Variants in SLC25A26 observed in about 807,000 individuals in gnomAD.
SLC25A26 encodes the protein mitochondrial S-adenosylmethionine carrier protein.
In SLC25A26, 36 loss-of-function variants were observed where a neutral mutation model predicts 37.8. That is an observed-to-expected ratio of 0.95 (90% confidence interval 0.73 to 1.26). The LOEUF is 1.26. Among genes scored for constraint, SLC25A26 ranks in the 50% most tolerant of loss-of-function variants. SLC25A26 has a pLI of 0.00. For synonymous variants in SLC25A26, 129 were observed against 122.5 expected, an observed-to-expected ratio of 1.05 and a Z score of -0.35; for missense variants, 390 against 331.1, an observed-to-expected ratio of 1.18 and a Z score of -1.38.
intron 5 of SLC25A26, among the ~76,000 whole-genome samples, chr3:66,336,613 T>C (rs1444302937): frequency 2.0e-5 from 3 of 152,202 alleles, no homozygotes; most frequent in Non-Finnish European, 4.4e-5. Context: ...CTGGCTATTT[T>C]CTTAAAGGAC....
intron 5 of SLC25A26, among the ~76,000 whole-genome samples, chr3:66,311,939 G>C (rs527879632): frequency 1.3e-5 from 2 of 152,136 alleles, no homozygotes; most frequent in Non-Finnish European, 2.9e-5. Context: ...ACCCTCCTGG[G>C]AGGTGTCTCC....
chr3:66,246,339 G>C (rs2072839246), intron 3 of SLC25A26, among the ~76,000 whole-genome samples: 1 of 152,142 alleles, frequency 6.6e-6, no homozygotes, highest in South Asian at 2.1e-4. Flanking sequence ...TTGAAGGGCA[G>C]GCTTTCCTCA....
At chr3:66,219,379 G>A (rs1246826599), upstream of SLC25A26, among the ~76,000 whole-genome samples, 2 of 152,142 alleles carry the variant, frequency 1.3e-5, no homozygotes, top group Non-Finnish European at 2.9e-5. Flanking sequence ...ATGGCAAAAG[G>A]AATTTTTCAG....
chr3:66,153,504 C>G (rs74620808), intron 1 of SLC25A26, among the ~76,000 whole-genome samples: 6,098 of 152,320 alleles, frequency 0.04, 224 homozygotes, highest in Non-Finnish European at 0.058. Flanking sequence ...GTCCAGTCAT[C>G]TAGATGTTTA....
At position 66,221,139 on chromosome 3, in the gene SLC25A26, G is replaced by A; in HGVS notation, c.33+12G>A. ...TGGCAGCGCTGGTGGTGAGTGCGGG[G>A]CGGTGGGGTGGGTTGCTCAGAGTGC... On this transcript the variant is annotated intron_variant, in intron 1 of 9. Transcript: ENST00000354883. 6.6e-7 allele frequency: 1 copy of A among 1,517,714 alleles called. No homozygotes were observed. Among genetic ancestry groups the A allele is most frequent in the Non-Finnish European group, 8.8e-7 (1 of 1,139,300 alleles). 94.0% of individuals were successfully genotyped at this position (1,517,714 alleles called of 1,614,324 possible).
intron 6 of SLC25A26, among the ~76,000 whole-genome samples, chr3:66,352,601 A>G (rs963678362): frequency 2.0e-5 from 3 of 151,754 alleles, no homozygotes; most frequent in African/African-American, 7.3e-5. Context: ...TAATATCTGT[A>G]TATTTAAGGT....
chr3:66,230,605 A>G (rs1279187343), intron 1 of SLC25A26, among the ~76,000 whole-genome samples: 1 of 151,402 alleles, frequency 6.6e-6, no homozygotes, highest in Non-Finnish European at 1.5e-5. Context: ...GGAGTTCAAG[A>G]CCAGCCTGAT....
intron 1 of SLC25A26, among the ~76,000 whole-genome samples, chr3:66,194,444 C>G (rs1285795876): frequency 1.3e-5 from 2 of 152,164 alleles, no homozygotes; most frequent in African/African-American, 2.4e-5. Context: ...CTTCACTGTC[C>G]TTATCATCTG....
At chr3:66,243,989 G>T (rs146018762) in intron 3 of SLC25A26, among the ~76,000 whole-genome samples, 1 of 152,044 alleles carries the variant, frequency 6.6e-6, no homozygotes, top group African/African-American at 2.4e-5. Flanking sequence ...GTCTGTCCTT[G>T]TTCTTCCCCA....
chr3:66,244,192 T>A (rs1310183804), intron 3 of SLC25A26, among the ~76,000 whole-genome samples: 1 of 152,110 alleles, frequency 6.6e-6, no homozygotes, highest in East Asian at 1.9e-4. Flanking sequence ...AAATAGTTTG[T>A]GGAATAATAT....
rs1411994228 is a variant in SLC25A26, at chr3:66,274,522, G to A, written c.453+11143G>A. Among the ~76,000 whole-genome samples the A allele has an allele frequency of 6.3e-3, 909 of 144,350 alleles. 4 individuals carry two copies. Among genetic ancestry groups the A allele is most frequent in the Admixed American group, 0.01 (143 of 14,254 alleles). 94.7% of individuals were successfully genotyped at this position (144,350 alleles called of 152,430 possible). A position where few individuals can be genotyped will look rare whatever the true frequency, so the allele number is the denominator to read the frequency against. On this transcript the variant is annotated intron_variant, in intron 5 of 9. Transcript: ENST00000354883. ...CTTATCTGACAAAGGGCTAATATCC[G>A]GAATCTACAATGAACTCAAACAAAT...
intron 3 of SLC25A26, among the ~76,000 whole-genome samples, chr3:66,247,344 T>C (rs2072897186): frequency 1.3e-5 from 2 of 152,174 alleles, no homozygotes; most frequent in Non-Finnish European, 2.9e-5. Context: ...GGTCTCACTC[T>C]GTCAACCAGG....
At chr3:66,253,025 C>G (rs1207745054) in intron 3 of SLC25A26, among the ~76,000 whole-genome samples, 2 of 65,666 alleles carry the variant, frequency 3.0e-5, no homozygotes, top group Non-Finnish European at 6.4e-5. Flanking sequence ...AAAATAATGC[C>G]CCCCCCCCCC....
At chr3:66,156,318 C>T (rs2070282451) in intron 1 of SLC25A26, among the ~76,000 whole-genome samples, 1 of 152,210 alleles carries the variant, frequency 6.6e-6, no homozygotes, top group Non-Finnish European at 1.5e-5. Context: ...ATCCTGCCCT[C>T]CTGGAGCCCT....
chr3:66,204,154 G>T (rs899906688), intron 1 of SLC25A26, among the ~76,000 whole-genome samples: 14 of 152,070 alleles, frequency 9.2e-5, no homozygotes, highest in South Asian at 4.2e-4. Flanking sequence ...GGCCGGGCGC[G>T]GTGGCTCACG....
intron 1 of SLC25A26, among the ~76,000 whole-genome samples, chr3:66,195,237 A>T (rs1445283229): frequency 6.6e-6 from 1 of 152,142 alleles, no homozygotes; most frequent in Non-Finnish European, 1.5e-5. Context: ...GGCAGGACTC[A>T]CCGTTGCTAG....
intron 5 of SLC25A26, among the ~76,000 whole-genome samples, chr3:66,270,198 T>C (rs898392445): frequency 3.9e-5 from 6 of 152,196 alleles, no homozygotes; most frequent in Non-Finnish European, 1.5e-5. Flanking sequence ...TCAGTCTTCT[T>C]AAACCTTGAA....
chr3:66,312,517 T>C (rs1390776341), intron 5 of SLC25A26, among the ~76,000 whole-genome samples: 1 of 146,526 alleles, frequency 6.8e-6, no homozygotes. Context: ...GGGTTCCAGG[T>C]GTCACTGGGT....
chr3:66,180,154 T>C (rs912249476), intron 1 of SLC25A26, among the ~76,000 whole-genome samples: 2 of 152,230 alleles, frequency 1.3e-5, no homozygotes, highest in African/African-American at 4.8e-5. Flanking sequence ...AAACTTTTTC[T>C]CTAGGTTTCC....
Sources: allele counts gnomAD v4.1 joint callset (sites outside exome capture counted in the v4.1 genomes callset), GRCh38; gene constraint gnomAD v4.1.1; transcripts MANE v1.5; gene names NCBI Gene and HGNC (gene_info 2026-07-23, HGNC 2026-07-21).